Variants in ARNT2 observed in about 807,000 individuals in gnomAD.
ARNT2 encodes ARNT protein 2.
ARNT2 carries 36 observed loss-of-function variants against 91.7 expected under a neutral mutation model. The ratio of observed to expected loss-of-function variants is 0.39; its 90% CI spans 0.30 to 0.52. The LOEUF is 0.52. Among genes scored for constraint, ARNT2 ranks in the 20% least tolerant of loss-of-function variants. ARNT2 has a pLI of 0.72. For missense variants in ARNT2, 775 were observed against 939.3 expected (o/e 0.83, Z 2.29); for synonymous variants, 365 against 347.1 (o/e 1.05, Z -0.57).
chr15:80,512,087 C>T (rs535037764), intron 6 of ARNT2, among the ~76,000 whole-genome samples: 3 of 152,324 alleles, frequency 2.0e-5, no homozygotes, highest in African/African-American at 7.2e-5. Context: ...AATTTCCAAA[C>T]AATAGGTGCT....
At chr15:80,430,489 T>C (rs1275061200) in intron 1 of ARNT2, among the ~76,000 whole-genome samples, 1 of 152,202 alleles carries the variant, frequency 6.6e-6, no homozygotes, top group Non-Finnish European at 1.5e-5. Flanking sequence ...GTGTTCCCTG[T>C]TGGGATAGCC....
At chr15:80,468,610 A>G (rs757595804) in intron 3 of ARNT2, among the ~76,000 whole-genome samples, 5 of 151,638 alleles carry the variant, frequency 3.3e-5, no homozygotes, top group Non-Finnish European at 7.4e-5. Flanking sequence ...TACCCCTTCT[A>G]GCACCCTCAG....
rs563798544 is a variant in ARNT2, at chr15:80,489,269, C to G, written c.622+14046C>G. Among the ~76,000 whole-genome samples, 30 of 152,328 alleles carry G rather than the reference C, an allele frequency of 2.0e-4. No homozygotes were observed. The East Asian group carries it at 4.8e-3, about 24-fold the overall frequency. On this transcript the variant is annotated intron_variant, in intron 5 of 18. Transcript: ENST00000303329. ...TGCCACATGGCTAAATAAAAGTGCA[C>G]GTATAGCACTGATCTTTCCTGTTTA...
chr15:80,466,311 G>C (rs1896651912), intron 3 of ARNT2, among the ~76,000 whole-genome samples: 1 of 152,202 alleles, frequency 6.6e-6, no homozygotes, highest in Non-Finnish European at 1.5e-5. Context: ...TCTTCTTTCT[G>C]TGCCTTGATT....
intron 5 of ARNT2, among the ~76,000 whole-genome samples, chr15:80,503,897 C>G (rs1897234528): frequency 6.6e-6 from 1 of 152,212 alleles, no homozygotes; most frequent in Non-Finnish European, 1.5e-5. Flanking sequence ...ATGCAGTCTG[C>G]AGAGCCCTGG....
At chr15:80,558,597 C>T (rs1898248263) in intron 11 of ARNT2, among the ~76,000 whole-genome samples, 1 of 152,124 alleles carries the variant, frequency 6.6e-6, no homozygotes, top group Non-Finnish European at 1.5e-5. Context: ...GCCTCGGCCT[C>T]CCAAAGTGCT....
intron 8 of ARNT2, among the ~76,000 whole-genome samples, chr15:80,531,909 G>C (rs1897746728): frequency 6.6e-6 from 1 of 152,082 alleles, no homozygotes; most frequent in Non-Finnish European, 1.5e-5. Flanking sequence ...CCTTTCCCTT[G>C]ACCACAGCCC....
intron 2 of ARNT2, among the ~76,000 whole-genome samples, chr15:80,451,717 T>TCAAC (rs1006846817): frequency 1.4e-4 from 20 of 140,056 alleles, no homozygotes; most frequent in African/African-American, 2.7e-4. Context: ...AACCAACCAA[T>TCAAC]CAACCAACCA....
rs555215053 is a variant in ARNT2 at position 80,597,738 on chromosome 15, A to T, written c.*4040A>T. 1.3e-5 allele frequency: 2 copies of T among 158,182 alleles called. No homozygotes were observed. The highest frequency in any genetic ancestry group is 3.3e-3 in the Middle Eastern group (1 of 302). 9.8% of individuals were successfully genotyped at this position (158,182 alleles called of 1,614,324 possible). On this transcript the variant is annotated 3_prime_UTR_variant, in exon 19 of 19. Transcript: ENST00000303329. The stretch of plus-strand genomic sequence containing the variant: ...AAAGAAAGGAAAAGATTTCATAAGC[A>T]GGTGTCAGTGGACAGTTTAAGTACT...
intron 8 of ARNT2, among the ~76,000 whole-genome samples, chr15:80,517,470 C>T (rs1035364132): frequency 2.0e-5 from 3 of 152,088 alleles, no homozygotes; most frequent in Non-Finnish European, 4.4e-5. Flanking sequence ...TTCTCTGAGG[C>T]TCCTGGATCT....
intron 11 of ARNT2, among the ~76,000 whole-genome samples, chr15:80,559,333 C>CCCCAGCCCCAGCCCCAGA (rs1555413691): frequency 6.8e-6 from 1 of 147,716 alleles, no homozygotes; most frequent in Non-Finnish European, 1.5e-5. Flanking sequence ...CCAGACCCAG[C>CCCCAGCCCCAGCCCCAGA]CCCAGCCCCA....
intron 6 of ARNT2, among the ~76,000 whole-genome samples, chr15:80,509,188 T>A (rs1897311130): frequency 6.6e-6 from 1 of 152,172 alleles, no homozygotes; most frequent in South Asian, 2.1e-4. Flanking sequence ...ATGCCTGTAA[T>A]CCCAGCACTT....
At chr15:80,541,627 G>A (rs969330983) in intron 8 of ARNT2, among the ~76,000 whole-genome samples, 30 of 151,950 alleles carry the variant, frequency 2.0e-4, no homozygotes, top group African/African-American at 6.8e-4. Flanking sequence ...TCTTTAATCC[G>A]TCTTGACCAT....
chr15:80,519,616 TG>T (rs1448694764), intron 8 of ARNT2, among the ~76,000 whole-genome samples: 1 of 151,972 alleles, frequency 6.6e-6, no homozygotes, highest in Non-Finnish European at 1.5e-5. Context: ...TCACCAGAAC[TG>T]TTTTAGGGTA....
rs192354076 is a variant in ARNT2, at chr15:80,447,894, T to C, written c.32-2986T>C. Among the ~76,000 whole-genome samples the C allele has an allele frequency of 1.2e-3, 188 of 152,342 alleles. 1 individual carries two copies. The highest frequency in any genetic ancestry group is 4.4e-3 in the African/African-American group (182 of 41,582). ...CTTAATTACAAAAAATAGCATTTGA[T>C]AAAATGAGGCATCCATTCCTTAAAT... is the stretch of plus-strand genomic sequence containing the variant. On this transcript the variant is annotated intron_variant, in intron 1 of 18. Coordinates refer to ENST00000303329, the MANE Select transcript of ARNT2 (RefSeq NM_014862.4).
chr15:80,597,718 A>C lies in ARNT2; in HGVS notation c.*4020A>C, dbSNP rs1893399821. On this transcript the variant is annotated 3_prime_UTR_variant, in exon 19 of 19. Coordinates refer to ENST00000303329, the MANE Select transcript of ARNT2 (RefSeq NM_014862.4). ...TCAGTTTCCTTTAAAAAAAGAAAGA[A>C]AGGAAAAGATTTCATAAGCAGGTGT... The C allele has an allele frequency of 6.4e-6, 1 of 156,250 alleles. No homozygotes were observed. The highest frequency in any genetic ancestry group is 1.4e-5 in the Non-Finnish European group (1 of 70,178). 9.7% of individuals were successfully genotyped at this position (156,250 alleles called of 1,614,324 possible). A position where few individuals can be genotyped will look rare whatever the true frequency, so the allele number is the denominator to read the frequency against.
intron 12 of ARNT2, among the ~76,000 whole-genome samples, chr15:80,567,075 A>G (rs1310387553): frequency 1.3e-5 from 2 of 152,150 alleles, no homozygotes; most frequent in Middle Eastern, 3.2e-3. Context: ...CCTTGAAGAA[A>G]ATAGGGAAGC....
intron 1 of ARNT2, among the ~76,000 whole-genome samples, chr15:80,413,069 T>C (rs571017969): frequency 6.6e-6 from 1 of 151,024 alleles, no homozygotes; most frequent in Non-Finnish European, 1.5e-5. Context: ...AGTGATTTAA[T>C]AATTTCAGTG....
intron 12 of ARNT2, among the ~76,000 whole-genome samples, chr15:80,572,005 C>T (rs980992041): frequency 2.6e-5 from 4 of 152,198 alleles, no homozygotes; most frequent in Non-Finnish European, 5.9e-5. Context: ...TTTATGGCCA[C>T]ACCTGTTAAG....
Sources: gnomAD v4.1 joint callset for allele counts (sites outside exome capture counted in the v4.1 genomes callset) on GRCh38, gnomAD v4.1.1 for gene constraint, MANE v1.5 for transcripts, NCBI Gene and HGNC (gene_info 2026-07-23, HGNC 2026-07-21) for gene names.